MGLL: variants seen among roughly 807,000 people sequenced by gnomAD.
The protein encoded by MGLL is lysophospholipase homolog.
MGLL carries 7 observed loss-of-function variants against 29.1 expected under a neutral mutation model. The observed-to-expected ratio is 0.24, with a 90% CI of 0.14 to 0.45. The LOEUF is 0.45. MGLL is among the 20% of genes least tolerant of loss of function. The probability of loss-of-function intolerance (pLI) is 0.99; values close to 1 mark genes in which losing one functional copy is unlikely to be tolerated. For synonymous variants in MGLL, 148 were observed against 168.3 expected (o/e 0.88, Z 0.93); for missense variants, 356 against 413.6 (o/e 0.86, Z 1.21).
intron 2 of MGLL, among the ~76,000 whole-genome samples, chr3:127,789,604 G>A (rs1489033887): frequency 6.6e-6 from 1 of 152,006 alleles, no homozygotes; most frequent in Non-Finnish European, 1.5e-5. Flanking sequence ...AGGCTGAGGT[G>A]GGAGGATCAC....
At chr3:127,732,478 A>C (rs911213838) in intron 3 of MGLL, among the ~76,000 whole-genome samples, 2 of 152,248 alleles carry the variant, frequency 1.3e-5, no homozygotes, top group African/African-American at 4.8e-5. Flanking sequence ...AGCAGGAAGC[A>C]GGGGACTGAA....
rs370317652 is a variant in MGLL at position 127,812,589 on chromosome 3, C to T, written c.155+9105G>A. Among the ~76,000 whole-genome samples, 38 of 152,286 alleles carry T rather than the reference C, an allele frequency of 2.5e-4. No individual in the cohort carries two copies. The East Asian group carries it at 5.8e-3, about 23-fold the overall frequency. On this transcript the variant is annotated intron_variant, in intron 2 of 7. Transcript: ENST00000265052. ...TTCATACTGGGTCCTCTGTGACTGG[C>T]GCTTGCCATGAGGGTGGAGGGAAGT... is the stretch of plus-strand genomic sequence containing the variant.
intron 3 of MGLL, among the ~76,000 whole-genome samples, chr3:127,773,839 C>A (rs1254733626): frequency 6.6e-6 from 1 of 152,194 alleles, no homozygotes; most frequent in Non-Finnish European, 1.5e-5. Context: ...CTCCACTCTG[C>A]TCAGGCCTCT....
At chr3:127,772,484 G>A (rs1318402426) in intron 3 of MGLL, among the ~76,000 whole-genome samples, 1 of 152,210 alleles carries the variant, frequency 6.6e-6, no homozygotes, top group African/African-American at 2.4e-5. Flanking sequence ...GCTGGTGGAA[G>A]GAAGGTCACG....
chr3:127,798,760 C>T (rs899849080), intron 2 of MGLL, among the ~76,000 whole-genome samples: 16 of 152,214 alleles, frequency 1.1e-4, no homozygotes, highest in Admixed American at 2.0e-4. Context: ...GGCCTCTCCT[C>T]CACTCAGGAT....
chr3:127,795,030 A>G (rs2077361475), intron 2 of MGLL, among the ~76,000 whole-genome samples: 1 of 152,220 alleles, frequency 6.6e-6, no homozygotes, highest in African/African-American at 2.4e-5. Context: ...CTGGGTATAT[A>G]CCCAAAGGAA....
chr3:127,715,855 A>T (rs1044497375), intron 5 of MGLL: 1 of 455,210 alleles, frequency 2.2e-6, no homozygotes, highest in African/African-American at 2.0e-5. Context: ...TTGCTCACCC[A>T]AAAAGGACGT....
intron 2 of MGLL, among the ~76,000 whole-genome samples, chr3:127,801,250 C>A (rs1488972230): frequency 1.4e-5 from 2 of 144,772 alleles, no homozygotes; most frequent in East Asian, 2.0e-4. Flanking sequence ...TGCAGTGAGC[C>A]GAGATAGCGC....
chr3:127,717,795 A>G (rs1041588491), intron 5 of MGLL, among the ~76,000 whole-genome samples: 16 of 152,236 alleles, frequency 1.1e-4, no homozygotes, highest in Non-Finnish European at 1.5e-4. Context: ...TGTCCCAGAC[A>G]ACTAAGGGTG....
At chr3:127,701,331 G>A (rs2075480784) in intron 6 of MGLL, among the ~76,000 whole-genome samples, 1 of 151,926 alleles carries the variant, frequency 6.6e-6, no homozygotes, top group Admixed American at 6.6e-5. Context: ...GGAAACAGCT[G>A]TGCTTGGCGT....
At chr3:127,815,179 G>A (rs929669268) in intron 2 of MGLL, among the ~76,000 whole-genome samples, 2 of 152,236 alleles carry the variant, frequency 1.3e-5, no homozygotes, top group South Asian at 2.1e-4. Context: ...TAATCAGTTC[G>A]TTGGCCACTG....
chr3:127,689,136 T>C lies in MGLL; in HGVS notation c.*3062A>G, dbSNP rs1275556754. 6.6e-6 allele frequency: 1 copy of C among 152,214 alleles called. No individual in the cohort carries two copies. The highest frequency in any genetic ancestry group is 1.5e-5 in the Non-Finnish European group (1 of 68,042). The allele number at this position is 152,214 out of a possible 1,614,324, so 9.4% of individuals were successfully genotyped here. A position where few individuals can be genotyped will look rare whatever the true frequency, so the allele number is the denominator to read the frequency against. On this transcript the variant is annotated 3_prime_UTR_variant, in exon 8 of 8. Coordinates refer to ENST00000265052, the MANE Select transcript of MGLL (RefSeq NM_007283.7). The stretch of plus-strand genomic sequence containing the variant: ...ATTCCTTTAGCTCTAAATGGATACA[T>C]ATGTGCCCCGCAGACAGTATACACG...
chr3:127,743,182 G>A (rs1000016657), intron 3 of MGLL, among the ~76,000 whole-genome samples: 1 of 152,188 alleles, frequency 6.6e-6, no homozygotes, highest in Non-Finnish European at 1.5e-5. Flanking sequence ...CCACCTACAT[G>A]CCAAGAAACA....
chr3:127,759,789 C>T (rs1275572649), intron 3 of MGLL, among the ~76,000 whole-genome samples: 7 of 152,358 alleles, frequency 4.6e-5, no homozygotes, highest in East Asian at 3.9e-4. Flanking sequence ...TCCTTGGAAT[C>T]GGTCCCTTTG....
chr3:127,822,373 G>A lies in MGLL; in HGVS notation c.-55C>T. 1 of 1,603,028 alleles carries A rather than the reference G, an allele frequency of 6.2e-7. No homozygotes were observed. The highest frequency in any genetic ancestry group is 1.1e-5 in the South Asian group (1 of 90,774). On this transcript the variant is annotated 5_prime_UTR_variant, in exon 1 of 8. Coordinates refer to ENST00000265052, the MANE Select transcript of MGLL (RefSeq NM_007283.7). Reference sequence around the variant, plus strand: ...CGACAGCCTGGAGAATCAGAACCAGGCAAATCGGGCTGTTCCCTCATCTGG... The same window carrying A: ...CGACAGCCTGGAGAATCAGAACCAGACAAATCGGGCTGTTCCCTCATCTGG...
At chr3:127,776,107 C>T (rs556059373) in intron 3 of MGLL, among the ~76,000 whole-genome samples, 21 of 152,356 alleles carry the variant, frequency 1.4e-4, no homozygotes, top group African/African-American at 5.1e-4. Flanking sequence ...TTTCTGGCTG[C>T]CCGTGCACCT....
At chr3:127,770,502 A>G (rs1010384328) in intron 3 of MGLL, among the ~76,000 whole-genome samples, 11 of 152,080 alleles carry the variant, frequency 7.2e-5, no homozygotes, top group Admixed American at 7.2e-4. Flanking sequence ...GGGCAGTTGG[A>G]ACTTCCCTCA....
chr3:127,721,837 A>T (rs936275961), intron 4 of MGLL, among the ~76,000 whole-genome samples: 4 of 144,978 alleles, frequency 2.8e-5, no homozygotes, highest in Non-Finnish European at 6.2e-5. Flanking sequence ...AGTTCAATAT[A>T]TCTTGGTCAG....
intron 3 of MGLL, among the ~76,000 whole-genome samples, chr3:127,768,124 TA>T (rs1201086335): frequency 2.6e-5 from 4 of 152,236 alleles, no homozygotes; most frequent in African/African-American, 9.6e-5. Flanking sequence ...AAAATTGGGA[TA>T]GTCCTATTAA....
Sources: allele counts gnomAD v4.1 joint callset (sites outside exome capture counted in the v4.1 genomes callset), GRCh38; gene constraint gnomAD v4.1.1; transcripts MANE v1.5; gene names NCBI Gene and HGNC (gene_info 2026-07-23, HGNC 2026-07-21).